The following MTRF1 variants were observed in gnomAD, a reference collection of about 807,000 sequenced individuals.
MTRF1 encodes the protein peptide chain release factor 1, mitochondrial.
Under a neutral mutation model 62.9 loss-of-function variants are expected in MTRF1, and 51 were observed. The ratio of observed to expected loss-of-function variants is 0.81; its 90% CI spans 0.65 to 1.02. MTRF1 has a LOEUF of 1.02. MTRF1 is among the 50% of genes least tolerant of loss of function. MTRF1 has a pLI of 0.00. For synonymous variants in MTRF1, 158 were observed against 181.9 expected (o/e 0.87, Z 1.06); for missense variants, 446 against 530.0 (o/e 0.84, Z 1.56).
At chr13:41,235,356 C>T (rs945199201) in intron 6 of MTRF1, 8 of 152,160 alleles carry the variant, frequency 5.3e-5, no homozygotes, top group Non-Finnish European at 1.0e-4. Context: ...GTGTTTGCTG[C>T]AACTTTACAG....
intron 7 of MTRF1, among the ~76,000 whole-genome samples, chr13:41,227,789 C>G (rs992213516): frequency 1.3e-5 from 2 of 152,190 alleles, no homozygotes; most frequent in Non-Finnish European, 2.9e-5. Context: ...ATGTTTTCTC[C>G]CTGTCTAAAT....
At chr13:41,289,160 G>A in the MTRF1 span, among the ~76,000 whole-genome samples, 1 of 151,558 alleles carries the variant, frequency 6.6e-6, no homozygotes, top group Non-Finnish European at 1.5e-5. Context: ...TTGAAGTGTT[G>A]TCTTCTCTTA....
chr13:41,297,823 G>C, the MTRF1 span, among the ~76,000 whole-genome samples: 1 of 152,052 alleles, frequency 6.6e-6, no homozygotes, highest in South Asian at 2.1e-4. Context: ...TGATGTGCCC[G>C]CCTCAACTTC....
chr13:41,300,387 C>T, the MTRF1 span, among the ~76,000 whole-genome samples: 2 of 152,082 alleles, frequency 1.3e-5, no homozygotes, highest in Non-Finnish European at 2.9e-5. Flanking sequence ...GAAATCGAGA[C>T]CATCCTGGCC....
In MTRF1 at chr13:41,217,158, GCTT is replaced by G; in HGVS notation, c.1292_1294del (p.Glu431del). On this transcript the variant is annotated inframe_deletion, in exon 10 of 10. Coordinates refer to ENST00000379480, the MANE Select transcript of MTRF1 (RefSeq NM_004294.4). ...GTGTTCATCCAAAAGTTCAGCAATG[GCTT>G]CTTCATCTGCTGATTGAAGCAGTCT... is the stretch of plus-strand genomic sequence containing the variant. 1 of 1,608,146 alleles carries G rather than the reference GCTT, an allele frequency of 6.2e-7. No homozygotes were observed. Among genetic ancestry groups the G allele is most frequent in the Non-Finnish European group, 8.5e-7 (1 of 1,176,650 alleles).
chr13:41,245,624 T>TC (rs1426301751), intron 5 of MTRF1, among the ~76,000 whole-genome samples: 1 of 152,220 alleles, frequency 6.6e-6, no homozygotes, highest in East Asian at 1.9e-4. Flanking sequence ...GCTTTCATTG[T>TC]CTGTAGGGAT....
At chr13:41,271,325 C>A in the MTRF1 span, among the ~76,000 whole-genome samples, 2 of 152,238 alleles carry the variant, frequency 1.3e-5, no homozygotes, top group Admixed American at 6.5e-5. Flanking sequence ...ATACTACTTC[C>A]ATTTTACATA....
chr13:41,267,737 G>A (rs536566822), upstream of MTRF1, among the ~76,000 whole-genome samples: 2 of 152,050 alleles, frequency 1.3e-5, no homozygotes, highest in African/African-American at 4.8e-5. Context: ...GTGGTTCTGT[G>A]TGCCTCTGGT....
the MTRF1 span, among the ~76,000 whole-genome samples, chr13:41,269,185 G>GTTTTTTTTTTTTTTTGTTTTTTTTTTT: frequency 5.2e-5 from 5 of 96,462 alleles, no homozygotes; most frequent in South Asian, 3.4e-4. Context: ...CTTTTACCTT[G>GTTTTTTTTTTTTTTTGTTTTTTTTTTT]TTTTTTTTTT....
intron 2 of MTRF1, among the ~76,000 whole-genome samples, chr13:41,255,994 AG>A (rs1488721017): frequency 6.6e-6 from 1 of 152,216 alleles, no homozygotes; most frequent in Non-Finnish European, 1.5e-5. Flanking sequence ...ACAATTATAA[AG>A]AAGAGAAGAC....
chr13:41,286,088 CAAA>C, the MTRF1 span, among the ~76,000 whole-genome samples: 6 of 110,052 alleles, frequency 5.5e-5, no homozygotes, highest in African/African-American at 7.4e-5. Flanking sequence ...ACAACAACAA[CAAA>C]AAAAAAAAAA....
At chr13:41,290,795 A>G in the MTRF1 span, among the ~76,000 whole-genome samples, 1 of 151,698 alleles carries the variant, frequency 6.6e-6, no homozygotes, top group African/African-American at 2.4e-5. Flanking sequence ...CCAACCTATA[A>G]AAGAAATTTT....
At chr13:41,253,493 A>G (rs1335357742) in intron 3 of MTRF1, among the ~76,000 whole-genome samples, 1 of 152,222 alleles carries the variant, frequency 6.6e-6, no homozygotes, top group East Asian at 1.9e-4. Flanking sequence ...AGACGCTCTA[A>G]TTAAAGACTA....
chr13:41,263,344 C>A (rs1001131491), intron 1 of MTRF1, 141 bp downstream of exon 1: 1 of 1,285,824 alleles, frequency 7.8e-7, no homozygotes, highest in African/African-American at 1.5e-5. Context: ...GGGGAAAGTT[C>A]TGAGTGTAGG....
the MTRF1 span, among the ~76,000 whole-genome samples, chr13:41,277,492 T>C: frequency 6.6e-6 from 1 of 152,068 alleles, no homozygotes; most frequent in East Asian, 1.9e-4. Flanking sequence ...GAAGAACCCA[T>C]CAGGTGGTTA....
At chr13:41,219,524 C>T (rs1230605508) in intron 9 of MTRF1, among the ~76,000 whole-genome samples, 1 of 151,068 alleles carries the variant, frequency 6.6e-6, no homozygotes, top group Non-Finnish European at 1.5e-5. Flanking sequence ...ATAAGCATCA[C>T]AAAACAATAT....
chr13:41,233,852 A>T, intron 7 of MTRF1, 38 bp downstream of exon 7: 1 of 1,496,870 alleles, frequency 6.7e-7, no homozygotes, highest in Non-Finnish European at 9.3e-7. Context: ...GTAAGATGGA[A>T]AAAGGGTTAA....
Position 41,233,808 on chromosome 13 carries a change from C to T in MTRF1, c.988+82G>A, listed in dbSNP as rs1317946099. 5 of 1,057,130 alleles carry T rather than the reference C, an allele frequency of 4.7e-6. No individual in the cohort carries two copies. The African/African-American group carries it at 6.3e-5, about 13-fold the overall frequency. 65.5% of individuals were successfully genotyped at this position (1,057,130 alleles called of 1,614,324 possible). ...TTAAAGAGCTGTGCAAGGAACCAGA[C>T]ACTCATATAGGACTATTTCCTTCCA... On this transcript the variant is annotated intron_variant, in intron 7 of 9. Coordinates refer to ENST00000379480, the MANE Select transcript of MTRF1 (RefSeq NM_004294.4).
intron 1 of MTRF1, chr13:41,261,879 A>C: frequency 8.0e-6 from 5 of 623,482 alleles, no homozygotes; most frequent in Non-Finnish European, 1.0e-5. Context: ...GGCTGGTGAA[A>C]AGCTCTACAG....
Sources: gnomAD v4.1 joint callset for allele counts (sites outside exome capture counted in the v4.1 genomes callset) on GRCh38, gnomAD v4.1.1 for gene constraint, MANE v1.5 for transcripts, NCBI Gene and HGNC (gene_info 2026-07-23, HGNC 2026-07-21) for gene names.